Variants in RUNX1T1 observed in about 807,000 individuals in gnomAD.
The protein encoded by RUNX1T1 is protein CBFA2T1.
A neutral mutation model predicts 62.8 loss-of-function variants in RUNX1T1; 4 were observed. The observed-to-expected ratio is 0.06, with a 90% CI of 0.03 to 0.15. The LOEUF is 0.15. RUNX1T1 is among the 10% of genes least tolerant of loss of function. The pLI is 1.00. For synonymous variants in RUNX1T1, 291 were observed against 286.0 expected (o/e 1.02, Z -0.18); for missense variants, 508 against 754.3 (o/e 0.67, Z 3.82).
intron 1 of RUNX1T1, among the ~76,000 whole-genome samples, chr8:92,047,746 T>C (rs1829628674): frequency 6.7e-6 from 1 of 150,010 alleles, no homozygotes; most frequent in African/African-American, 2.5e-5. Context: ...CTAGGCACTA[T>C]GGATTTAAAA....
chr8:92,043,828 A>C (rs1828899325), intron 1 of RUNX1T1, among the ~76,000 whole-genome samples: 1 of 151,868 alleles, frequency 6.6e-6, no homozygotes, highest in African/African-American at 2.4e-5. Context: ...AATACAAAAA[A>C]TTAGGTGGGC....
chr8:91,979,525 C>T (rs999920694), intron 8 of RUNX1T1, among the ~76,000 whole-genome samples: 1 of 151,578 alleles, frequency 6.6e-6, no homozygotes, highest in Non-Finnish European at 1.5e-5. Context: ...TATATATATG[C>T]AACTACTGAA....
rs111573829 is a variant in RUNX1T1, at chr8:92,007,467, TA to T, written c.478-2171del. ...GCAACAGAGCGAGACTCAGTCTAAT[TA>T]AAAAAAAAAAAAATCATTCTGAAGT... On this transcript the variant is annotated intron_variant, in intron 4 of 10. Transcript: ENST00000396218. Among the ~76,000 whole-genome samples, 973 of 137,970 alleles carry T rather than the reference TA, an allele frequency of 7.1e-3. 2 individuals are homozygous for T. The highest frequency in any genetic ancestry group is 0.011 in the Middle Eastern group (3 of 262). 90.5% of individuals were successfully genotyped at this position (137,970 alleles called of 152,430 possible).
chr8:92,080,280 A>G (rs1587521886), intron 1 of RUNX1T1, among the ~76,000 whole-genome samples: 1 of 152,204 alleles, frequency 6.6e-6, no homozygotes, highest in Admixed American at 6.5e-5. Flanking sequence ...TTCCGTGGCT[A>G]CTTCTGTGAC....
chr8:91,958,955 C>CTT (rs35061826), exon 11 of RUNX1T1: 226 of 179,398 alleles, frequency 1.3e-3, no homozygotes, highest in East Asian at 5.1e-3. Context: ...TCTTTTTTTC[C>CTT]TTTTTTTTTT....
intron 1 of RUNX1T1, among the ~76,000 whole-genome samples, chr8:92,035,023 G>C (rs538827019): frequency 5.9e-5 from 9 of 152,266 alleles, no homozygotes; most frequent in Non-Finnish European, 1.0e-4. Flanking sequence ...GGCTGGTACA[G>C]TGGCTCATGC....
chr8:91,960,986 T>C (rs1810317988), intron 10 of RUNX1T1, among the ~76,000 whole-genome samples: 1 of 152,206 alleles, frequency 6.6e-6, no homozygotes, highest in Non-Finnish European at 1.5e-5. Flanking sequence ...TGGATTCAAA[T>C]AAATATAATA....
intron 1 of RUNX1T1, among the ~76,000 whole-genome samples, chr8:92,043,549 T>C (rs1828849528): frequency 6.6e-6 from 1 of 152,098 alleles, no homozygotes; most frequent in Admixed American, 6.5e-5. Context: ...AAAGTATGAT[T>C]ATTTTATATC....
chr8:92,102,944 G>T (rs974007582), upstream of RUNX1T1: 73 of 1,497,648 alleles, frequency 4.9e-5, no homozygotes, highest in African/African-American at 8.9e-4. The surrounding 1 kb of genome is among the most constrained non-coding windows in gnomAD (Gnocchi z 4.5). Context: ...CCCGCGGGGC[G>T]ACGGGGCGAG....
intron 1 of RUNX1T1, among the ~76,000 whole-genome samples, chr8:92,053,981 A>T (rs1830623183): frequency 6.6e-6 from 1 of 152,074 alleles, no homozygotes; most frequent in African/African-American, 2.4e-5. Context: ...GTGGAGTAAA[A>T]GGTTATACAG....
At chr8:92,075,850 C>A in intron 2 of RUNX1T1, 115 bp downstream of exon 2, 2 of 937,174 alleles carry the variant, frequency 2.1e-6, no homozygotes, top group Non-Finnish European at 3.1e-6. Context: ...AGAACAGGCA[C>A]TAGAAGAAGG....
At chr8:92,059,937 A>C (rs533602338) in intron 1 of RUNX1T1, among the ~76,000 whole-genome samples, 1 of 152,246 alleles carries the variant, frequency 6.6e-6, no homozygotes, top group East Asian at 1.9e-4. Flanking sequence ...AAAAAGCACT[A>C]TTTCTGGGCT....
intron 2 of RUNX1T1, 80 bp downstream of exon 3, chr8:92,017,146 T>C (rs1365489474): frequency 9.5e-7 from 1 of 1,055,888 alleles, no homozygotes; most frequent in Non-Finnish European, 1.4e-6. Context: ...AATTTTATTT[T>C]CCCTTGATTT....
intron 1 of RUNX1T1, among the ~76,000 whole-genome samples, chr8:92,018,799 G>A (rs1253241053): frequency 3.3e-5 from 5 of 152,118 alleles, no homozygotes; most frequent in Non-Finnish European, 7.4e-5. Flanking sequence ...TGCAATAAGA[G>A]AATGAAAATA....
Position 92,046,312 on chromosome 8 carries a change from A to G in RUNX1T1, c.7+16234T>C, listed in dbSNP as rs554284910. Among the ~76,000 whole-genome samples the G allele has an allele frequency of 4.6e-5, 7 of 152,286 alleles. No individual in the cohort carries two copies. In the South Asian group the frequency reaches 1.0e-3, roughly 23 times the overall value. ...AAGCAGATTCTAGATCACGGTTTATAATAAGACTCTCAAATAATGCCCCTT... is the reference window on the plus strand; with the variant it reads ...AAGCAGATTCTAGATCACGGTTTATGATAAGACTCTCAAATAATGCCCCTT... On this transcript the variant is annotated intron_variant, in intron 1 of 10. Coordinates refer to ENST00000396218, the Ensembl canonical transcript of RUNX1T1.
At chr8:92,060,553 A>ATATATGTGTGTGTGTGTGTGTGTGTG in intron 1 of RUNX1T1, among the ~76,000 whole-genome samples, 3 of 63,940 alleles carry the variant, frequency 4.7e-5, no homozygotes, top group African/African-American at 1.7e-4. Context: ...ATATATATAT[A>ATATATGTGTGTGTGTGTGTGTGTGTG]TGTGTGTGTG....
intron 1 of RUNX1T1, among the ~76,000 whole-genome samples, chr8:92,084,408 A>G (rs1835773225): frequency 6.6e-6 from 1 of 152,190 alleles, no homozygotes; most frequent in Non-Finnish European, 1.5e-5. Context: ...AAGAGAACGC[A>G]ATGAAAGCGA....
intron 1 of RUNX1T1, among the ~76,000 whole-genome samples, chr8:92,039,920 C>T (rs1434941409): frequency 2.0e-5 from 3 of 152,102 alleles, no homozygotes; most frequent in Admixed American, 2.0e-4. Flanking sequence ...TCTCACCTAG[C>T]GTACTACAAA....
intron 5 of RUNX1T1, among the ~76,000 whole-genome samples, chr8:91,996,224 CAG>C (rs1586891132): frequency 6.6e-6 from 1 of 151,630 alleles, no homozygotes. Context: ...TTTTTTGAGA[CAG>C]AGTCTCGCTC....
Sources: gnomAD v4.1 joint callset for allele counts (sites outside exome capture counted in the v4.1 genomes callset) on GRCh38, gnomAD v4.1.1 for gene constraint, Gnocchi (gnomAD v3.1) non-coding constraint, MANE v1.5 for transcripts, NCBI Gene and HGNC (gene_info 2026-07-23, HGNC 2026-07-21) for gene names.